CCDC63: variants seen among roughly 807,000 people sequenced by gnomAD.
CCDC63 encodes coiled-coil domain containing 63.
CCDC63 carries 54 observed loss-of-function variants against 63.6 expected under a neutral mutation model. The observed-to-expected ratio is 0.85, with a 90% confidence interval of 0.68 to 1.07. The LOEUF is 1.07. Ranked by LOEUF, CCDC63 falls within the 50% of genes least tolerant of loss-of-function variation. The pLI, the probability that CCDC63 is intolerant of heterozygous loss-of-function variation, is 0.00. For missense variants in CCDC63, 637 were observed against 689.6 expected, an observed-to-expected ratio of 0.92 and a Z score of 0.86; for synonymous variants, 253 against 266.1, an observed-to-expected ratio of 0.95 and a Z score of 0.48.
chr12:110,902,343 C>T (rs1191441778), intron 10 of CCDC63, among the ~76,000 whole-genome samples: 1 of 152,186 alleles, frequency 6.6e-6, no homozygotes, highest in South Asian at 2.1e-4. Flanking sequence ...TTCTGATCTC[C>T]TCTTGTCCTG....
intron 8 of CCDC63, among the ~76,000 whole-genome samples, 187 bp from the exon 9 acceptor site, chr12:110,892,889 T>G (rs1263896718): frequency 6.6e-6 from 1 of 151,716 alleles, no homozygotes; most frequent in Non-Finnish European, 1.5e-5. Context: ...ACCCTCCTTT[T>G]ACTTAAGAAA....
chr12:110,897,058 C>G (rs1434907881), intron 9 of CCDC63, among the ~76,000 whole-genome samples: 1 of 152,156 alleles, frequency 6.6e-6, no homozygotes, highest in Non-Finnish European at 1.5e-5. Context: ...ATGGTAAAAT[C>G]AGTTTATTGG....
At chr12:110,899,272 G>C (rs996995742) in intron 10 of CCDC63, 147 bp downstream of exon 10, 2 of 667,792 alleles carry the variant, frequency 3.0e-6, no homozygotes, top group Admixed American at 3.2e-5. Flanking sequence ...TTGAATCCTG[G>C]GTCTACACTT....
At chr12:110,898,884 G>A (rs1181905337) in intron 9 of CCDC63, 49 bp from the exon 10 acceptor site, 4 of 1,472,056 alleles carry the variant, frequency 2.7e-6, no homozygotes, top group Non-Finnish European at 3.6e-6. Flanking sequence ...CAAACACCCT[G>A]CCCACTGAAA....
In CCDC63 at chr12:110,847,014, A is replaced by C. The variant is rs141086095; in HGVS notation, c.-188A>C. 1 of 152,298 alleles carries C rather than the reference A, an allele frequency of 6.6e-6. No individual in the cohort carries two copies. Among genetic ancestry groups the C allele is most frequent in the Non-Finnish European group, 1.5e-5 (1 of 68,040 alleles). The allele number at this position is 152,298 out of a possible 1,614,324, so 9.4% of individuals were successfully genotyped here. Reference sequence around the variant, plus strand: ...GGCGCAGCGAGGCCGCGCAGCAAGCAGTCCTCCCGGCACCGTCGGAAGCGC... The same window carrying C: ...GGCGCAGCGAGGCCGCGCAGCAAGCCGTCCTCCCGGCACCGTCGGAAGCGC... On this transcript the variant is annotated 5_prime_UTR_variant, in exon 1 of 12. Transcript: ENST00000308208.
At chr12:110,862,745 CTTTT>C (rs2070873393) in intron 4 of CCDC63, among the ~76,000 whole-genome samples, 1 of 150,900 alleles carries the variant, frequency 6.6e-6, no homozygotes, top group Non-Finnish European at 1.5e-5. Context: ...TCTTTCTTTT[CTTTT>C]TCTTTTCTTT....
intron 10 of CCDC63, among the ~76,000 whole-genome samples, chr12:110,899,645 G>C (rs932796027): frequency 6.6e-6 from 1 of 150,984 alleles, no homozygotes; most frequent in Non-Finnish European, 1.5e-5. Context: ...ACCTCACTGT[G>C]CTTCAGATTT....
At chr12:110,882,886 G>A (rs913985899) in intron 7 of CCDC63, among the ~76,000 whole-genome samples, 2 of 151,968 alleles carry the variant, frequency 1.3e-5, no homozygotes, top group African/African-American at 4.8e-5. Flanking sequence ...AAGAAACAGG[G>A]TCTAGTTCTT....
At chr12:110,891,476 C>T (rs894308135) in intron 8 of CCDC63, among the ~76,000 whole-genome samples, 1 of 151,732 alleles carries the variant, frequency 6.6e-6, no homozygotes, top group African/African-American at 2.4e-5. Context: ...CATAGTGAGA[C>T]TCCGTGTCTA....
intron 8 of CCDC63, among the ~76,000 whole-genome samples, chr12:110,884,852 A>ATTTT (rs34391026): frequency 7.7e-6 from 1 of 130,708 alleles, no homozygotes. Context: ...ACGCCCTGCT[A>ATTTT]TTTTTTTTTT....
chr12:110,849,752 G>A (rs554495854), intron 1 of CCDC63, among the ~76,000 whole-genome samples: 2 of 152,230 alleles, frequency 1.3e-5, no homozygotes, highest in East Asian at 3.9e-4. Flanking sequence ...GCCTGCCTTG[G>A]CCTCTCAAAG....
In CCDC63 at chr12:110,851,575, G is replaced by A. The variant is rs1443539718; in HGVS notation, c.-96-1284G>A. 1.4e-4 allele frequency among the ~76,000 whole-genome samples: 21 copies of A among 152,196 alleles called. 1 individual carries two copies. The highest frequency in any genetic ancestry group is 2.8e-4 in the Non-Finnish European group (19 of 67,998). On this transcript the variant is annotated intron_variant, in intron 1 of 11. Coordinates refer to ENST00000308208, the MANE Select transcript of CCDC63 (RefSeq NM_152591.3). ...TGCTCTGATTCTCCCATCCAGAGTCGGATGCCCCAATCTTGAAGGTGGTGG... is the reference window on the plus strand; with the variant it reads ...TGCTCTGATTCTCCCATCCAGAGTCAGATGCCCCAATCTTGAAGGTGGTGG...
In CCDC63 at chr12:110,879,702, G is replaced by A. The variant is rs538785972; in HGVS notation, c.490-204G>A. ...GAATTTGAAATACAGTAGTAAAAAG[G>A]ATCCACTAAAGGGCCCTTAGCCAGT... On this transcript the variant is annotated intron_variant, in intron 5 of 11. Coordinates refer to ENST00000308208, the MANE Select transcript of CCDC63 (RefSeq NM_152591.3). Among the ~76,000 whole-genome samples, 13 of 152,216 alleles carry A rather than the reference G, an allele frequency of 8.5e-5. No individual in the cohort carries two copies. The South Asian group carries it at 2.3e-3, about 27-fold the overall frequency.
chr12:110,858,072 C>T (rs2070797893), intron 3 of CCDC63, among the ~76,000 whole-genome samples: 1 of 150,306 alleles, frequency 6.7e-6, no homozygotes. Flanking sequence ...TGCCACTGCA[C>T]TCCAGCCTGG....
chr12:110,883,432 T>G (rs2071234872), intron 7 of CCDC63, among the ~76,000 whole-genome samples: 1 of 152,158 alleles, frequency 6.6e-6, no homozygotes, highest in African/African-American at 2.4e-5. Flanking sequence ...ATTACAGGTG[T>G]GAGCTACCAT....
Position 110,907,279 on chromosome 12 carries a change from C to T in CCDC63, c.1547-52C>T. ...AGGGACGCCAAACCAGGCTTAGCCC[C>T]AGCCCTGGGGTTGATTTCCCAGCAC... On this transcript the variant is annotated intron_variant, in intron 11 of 11. Transcript: ENST00000308208. The surrounding 1 kb of genome is among the most constrained non-coding windows in gnomAD (Gnocchi z 4.4). 6.3e-7 allele frequency: 1 copy of T among 1,583,012 alleles called. No individual in the cohort carries two copies. Among genetic ancestry groups the T allele is most frequent in the South Asian group, 1.2e-5 (1 of 86,724 alleles).
At chr12:110,869,146 T>C (rs1211176305) in intron 4 of CCDC63, among the ~76,000 whole-genome samples, 4 of 152,194 alleles carry the variant, frequency 2.6e-5, no homozygotes, top group African/African-American at 7.2e-5. Context: ...CAGCCCAGGC[T>C]CTGCACGGGG....
chr12:110,906,525 C>G (rs142988152), intron 11 of CCDC63, among the ~76,000 whole-genome samples: 34 of 152,042 alleles, frequency 2.2e-4, no homozygotes, highest in Non-Finnish European at 4.4e-4. Flanking sequence ...AATGACCTTG[C>G]ATGACTTTAG....
At chr12:110,859,463 T>C (rs1269408758) in intron 4 of CCDC63, among the ~76,000 whole-genome samples, 1 of 152,088 alleles carries the variant, frequency 6.6e-6, no homozygotes, top group East Asian at 1.9e-4. Flanking sequence ...TGCACCACCA[T>C]GCTGGCTAAT....
Sources: gnomAD v4.1 joint callset for allele counts (sites outside exome capture counted in the v4.1 genomes callset) on GRCh38, gnomAD v4.1.1 for gene constraint, Gnocchi (gnomAD v3.1) non-coding constraint, MANE v1.5 for transcripts, NCBI Gene and HGNC (gene_info 2026-07-23, HGNC 2026-07-21) for gene names.